SLC25A29: variants seen among roughly 807,000 people sequenced by gnomAD.
SLC25A29 encodes mitochondrial basic amino acids transporter.
Under a neutral mutation model 10.0 loss-of-function variants are expected in SLC25A29, and 13 were observed. The ratio of observed to expected loss-of-function variants is 1.30; its 90% CI spans 0.85 to 2.07. SLC25A29 has a LOEUF of 2.07. Among genes scored for constraint, SLC25A29 ranks in the 30% most tolerant of loss-of-function variants. SLC25A29 has a pLI of 0.00. For missense variants in SLC25A29, 475 were observed against 447.6 expected (o/e 1.06, Z -0.55); for synonymous variants, 244 against 221.1 (o/e 1.10, Z -0.92).
chr14:100,293,389 G>C lies in SLC25A29; in HGVS notation c.79-12C>G. 2.5e-6 allele frequency: 4 copies of C among 1,611,898 alleles called. No individual in the cohort carries two copies. The highest frequency in any genetic ancestry group is 3.4e-6 in the Non-Finnish European group (4 of 1,179,320). ...ACCTGAAGCCGTACCTGGAAGGAGA[G>C]GGTCCAGTGAGAGGCAGGCAGGCAG... is the stretch of plus-strand genomic sequence containing the variant. On this transcript the variant is annotated splice_polypyrimidine_tract_variant and intron_variant, in intron 2 of 3. Coordinates refer to ENST00000359232, the MANE Select transcript of SLC25A29 (RefSeq NM_001039355.3).
intron 3 of SLC25A29, 26 bp downstream of exon 3, chr14:100,293,268 G>C: frequency 1.2e-6 from 2 of 1,610,370 alleles, no homozygotes; most frequent in Non-Finnish European, 1.7e-6. Context: ...TGTGCCTCCC[G>C]AGCCCCACCA....
chr14:100,299,168 G>A (rs1488413462), intron 1 of SLC25A29: 14 of 1,325,386 alleles, frequency 1.1e-5, no homozygotes, highest in Middle Eastern at 2.9e-4. Context: ...TGACTGGTCT[G>A]GGTGGCTGAC....
intron 1 of SLC25A29, among the ~76,000 whole-genome samples, chr14:100,302,391 G>C (rs954602216): frequency 7.1e-6 from 1 of 140,138 alleles, no homozygotes; most frequent in African/African-American, 2.7e-5. Context: ...AGATAGTCTT[G>C]CTCTGTCACC....
chr14:100,288,709 GTCCCCCAGTTACTC>G (rs151288535), downstream of SLC25A29, among the ~76,000 whole-genome samples: 1,506 of 152,012 alleles, frequency 9.9e-3, 35 homozygotes, highest in African/African-American at 0.034. Context: ...GCTCAGACGT[GTCCCCCAGTTACTC>G]TCCCAAACCT....
intron 1 of SLC25A29, chr14:100,299,922 G>A: frequency 2.0e-6 from 2 of 985,406 alleles, no homozygotes; most frequent in Non-Finnish European, 2.4e-6. Flanking sequence ...AAGTTACTAT[G>A]CATCTCCACA....
chr14:100,285,228 C>T, the SLC25A29 span, among the ~76,000 whole-genome samples: 1 of 152,008 alleles, frequency 6.6e-6, no homozygotes, highest in African/African-American at 2.4e-5. Flanking sequence ...TTGGCCAGCA[C>T]TTAGCGCGGG....
chr14:100,283,483 C>CTT, the SLC25A29 span, among the ~76,000 whole-genome samples: 583 of 128,584 alleles, frequency 4.5e-3, 5 homozygotes, highest in African/African-American at 0.016. Flanking sequence ...TTTGGAATTG[C>CTT]TTTTTTTTTT....
At position 100,293,048 on chromosome 14, in the gene SLC25A29, C is replaced by T. The variant is rs1370803821; in HGVS notation, c.163-16G>A. 2.6e-6 allele frequency: 4 copies of T among 1,516,794 alleles called. No individual in the cohort carries two copies. The African/African-American group carries it at 5.5e-5, about 21-fold the overall frequency. The allele number at this position is 1,516,794 out of a possible 1,614,324, so 94.0% of individuals were successfully genotyped here. A position where few individuals can be genotyped will look rare whatever the true frequency, so the allele number is the denominator to read the frequency against. Reference sequence around the variant, plus strand: ...GGCCCAGCACCTGCGGGGACAGAGACGCCATCAGAGCCGGCAACGCGCACC... The same window carrying T: ...GGCCCAGCACCTGCGGGGACAGAGATGCCATCAGAGCCGGCAACGCGCACC... On this transcript the variant is annotated splice_polypyrimidine_tract_variant and intron_variant, in intron 3 of 3. Transcript: ENST00000359232.
chr14:100,297,184 A>T (rs1325057065), intron 2 of SLC25A29, among the ~76,000 whole-genome samples: 1 of 152,206 alleles, frequency 6.6e-6, no homozygotes, highest in African/African-American at 2.4e-5. Flanking sequence ...GCAAAAACAA[A>T]AACAAAACAA....
At chr14:100,299,211 CTA>C in intron 1 of SLC25A29, 1 of 1,211,438 alleles carries the variant, frequency 8.3e-7, no homozygotes, top group Non-Finnish European at 1.0e-6. Flanking sequence ...GCTGCACACA[CTA>C]TTTCTGGGAT....
chr14:100,292,020 A>G lies in SLC25A29; in HGVS notation c.*263T>C. 1 of 498,420 alleles carries G rather than the reference A, an allele frequency of 2.0e-6. No homozygotes were observed. The highest frequency in any genetic ancestry group is 2.2e-5 in the South Asian group (1 of 46,430). The allele number at this position is 498,420 out of a possible 1,614,324, so 30.9% of individuals were successfully genotyped here. A position where few individuals can be genotyped will look rare whatever the true frequency, so the allele number is the denominator to read the frequency against. ...ACGGTGCAATGGCCTCAGCCAGGCC[A>G]GGTGCTGGCTGCTGCTGGGAATAAT... On this transcript the variant is annotated 3_prime_UTR_variant, in exon 4 of 4. Transcript: ENST00000359232.
intron 1 of SLC25A29, among the ~76,000 whole-genome samples, chr14:100,302,354 A>C (rs1055917137): frequency 3.6e-5 from 5 of 138,570 alleles, no homozygotes; most frequent in Middle Eastern, 4.2e-3. Context: ...CCCAAAATCT[A>C]TTTCTTTCTT....
At chr14:100,280,933 A>C in the SLC25A29 span, 1 of 152,032 alleles carries the variant, frequency 6.6e-6, no homozygotes, top group Non-Finnish European at 1.5e-5. Flanking sequence ...AAGTTTTGGA[A>C]TTGGAAGCCT....
At chr14:100,295,402 C>G (rs1892068099) in intron 2 of SLC25A29, 1 of 358,836 alleles carries the variant, frequency 2.8e-6, no homozygotes, top group Admixed American at 4.0e-5. Context: ...TTAGGAAGCT[C>G]CCAGCTCCCC....
chr14:100,283,439 A>G, the SLC25A29 span, among the ~76,000 whole-genome samples: 13 of 151,796 alleles, frequency 8.6e-5, no homozygotes, highest in Non-Finnish European at 1.6e-4. Flanking sequence ...GACGGTGGAA[A>G]ACCTGTAGAT....
At chr14:100,281,015 G>A in the SLC25A29 span, 7 of 122,004 alleles carry the variant, frequency 5.7e-5, no homozygotes, top group East Asian at 8.4e-4. Context: ...AGCCGAGATC[G>A]CACCACTGCA....
chr14:100,279,996 A>G, the SLC25A29 span: 1 of 152,192 alleles, frequency 6.6e-6, no homozygotes, highest in Non-Finnish European at 1.5e-5. Flanking sequence ...TGAAATAGTC[A>G]TCACTCCCCT....
At chr14:100,303,363 G>A (rs538491941) in intron 1 of SLC25A29, among the ~76,000 whole-genome samples, 99 of 152,280 alleles carry the variant, frequency 6.5e-4, no homozygotes, top group African/African-American at 2.2e-3. Flanking sequence ...CTTCCTGTGG[G>A]TGCATGGTCA....
rs572968797 is a variant in SLC25A29 at position 100,296,778 on chromosome 14, T to A, written c.78+2064A>T. 2.6e-5 allele frequency among the ~76,000 whole-genome samples: 4 copies of A among 152,184 alleles called. No homozygotes were observed. The East Asian group carries it at 7.7e-4, about 29-fold the overall frequency. ...CACGCCCGGCTAATTTTTTGTATGT[T>A]TAGTAGAGACAGAGTTTCACCGTGT... On this transcript the variant is annotated intron_variant, in intron 2 of 3. Transcript: ENST00000359232.
Sources: allele counts gnomAD v4.1 joint callset (sites outside exome capture counted in the v4.1 genomes callset), GRCh38; gene constraint gnomAD v4.1.1; transcripts MANE v1.5; gene names NCBI Gene and HGNC (gene_info 2026-07-23, HGNC 2026-07-21).